OLA1: variants seen among roughly 807,000 people sequenced by gnomAD.
OLA1 encodes the protein Obg like ATPase 1.
Under a neutral mutation model 48.4 loss-of-function variants are expected in OLA1, and 14 were observed. That is an observed-to-expected ratio of 0.29 (90% confidence interval 0.19 to 0.45). The LOEUF (loss-of-function observed/expected upper bound fraction) is 0.45, where lower values mean the gene tolerates loss of function less well. OLA1 is among the 20% of genes least tolerant of loss of function. The probability of loss-of-function intolerance (pLI) is 1.00; values close to 1 mark genes in which losing one functional copy is unlikely to be tolerated. For synonymous variants in OLA1, 127 were observed against 150.4 expected, an observed-to-expected ratio of 0.84 and a Z score of 1.14; for missense variants, 325 against 467.1, an observed-to-expected ratio of 0.70 and a Z score of 2.80.
chr2:174,217,175 C>T (rs998543000), intron 4 of OLA1, among the ~76,000 whole-genome samples: 3 of 152,098 alleles, frequency 2.0e-5, no homozygotes, highest in African/African-American at 7.2e-5. Context: ...TGCACCAAAA[C>T]CCAAAGTTCT....
intron 2 of OLA1, among the ~76,000 whole-genome samples, chr2:174,234,043 TG>T (rs913085058): frequency 4.6e-5 from 7 of 152,196 alleles, no homozygotes; most frequent in Non-Finnish European, 7.3e-5. Context: ...TGAATGTGCC[TG>T]CCCCTCCTTC....
chr2:174,239,600 T>C (rs781647365), intron 2 of OLA1, among the ~76,000 whole-genome samples: 5 of 149,466 alleles, frequency 3.3e-5, no homozygotes, highest in Admixed American at 6.8e-5. Flanking sequence ...TAAATGCAGC[T>C]GGGCACAGTG....
At chr2:174,173,664 C>G (rs1418124922) in intron 4 of OLA1, among the ~76,000 whole-genome samples, 1 of 147,354 alleles carries the variant, frequency 6.8e-6, no homozygotes, top group Non-Finnish European at 1.5e-5. Flanking sequence ...GATATGAGAA[C>G]AAACTGGTGA....
At chr2:174,181,501 G>C (rs1009811361) in intron 4 of OLA1, among the ~76,000 whole-genome samples, 4 of 152,176 alleles carry the variant, frequency 2.6e-5, no homozygotes, top group African/African-American at 9.7e-5. Flanking sequence ...GTAAGAGAGG[G>C]CATGACAGCA....
intron 4 of OLA1, among the ~76,000 whole-genome samples, chr2:174,200,656 G>C (rs1451427252): frequency 6.6e-6 from 1 of 152,020 alleles, no homozygotes; most frequent in African/African-American, 2.4e-5. Flanking sequence ...AAACCCAGGA[G>C]GTTTAAAGAA....
At chr2:174,209,288 T>G (rs6433467) in intron 4 of OLA1, among the ~76,000 whole-genome samples, 80,580 of 152,004 alleles carry the variant, frequency 0.53, 21,931 homozygotes, top group East Asian at 0.94. Context: ...TTCTGTATTT[T>G]CATCCTGATA....
chr2:174,186,745 C>T lies in OLA1; in HGVS notation c.373+36288G>A, dbSNP rs931134248. On this transcript the variant is annotated intron_variant, in intron 4 of 10. Coordinates refer to ENST00000284719, the MANE Select transcript of OLA1 (RefSeq NM_013341.5). ...TTGGAAAAAAGGCCTGCAGATGCCCCTATAGGTAACAGTGATAAGAAAAAA... is the reference window on the plus strand; with the variant it reads ...TTGGAAAAAAGGCCTGCAGATGCCCTTATAGGTAACAGTGATAAGAAAAAA... Among the ~76,000 whole-genome samples the T allele has an allele frequency of 3.9e-5, 6 of 152,180 alleles. No individual in the cohort carries two copies. The South Asian group carries it at 6.2e-4, about 16-fold the overall frequency.
intron 4 of OLA1, among the ~76,000 whole-genome samples, chr2:174,144,277 C>T (rs936367187): frequency 6.6e-6 from 1 of 152,072 alleles, no homozygotes; most frequent in African/African-American, 2.4e-5. Context: ...CTTACATATG[C>T]TGGTGGCACT....
At chr2:174,092,084 G>A (rs996890449) in intron 7 of OLA1, among the ~76,000 whole-genome samples, 7 of 141,950 alleles carry the variant, frequency 4.9e-5, no homozygotes, top group Admixed American at 1.5e-4. Context: ...CCAAGATCAT[G>A]CCTCTGCACT....
At chr2:174,107,888 A>G (rs950048936) in intron 7 of OLA1, among the ~76,000 whole-genome samples, 7 of 152,112 alleles carry the variant, frequency 4.6e-5, no homozygotes, top group Admixed American at 2.0e-4. Flanking sequence ...ATTATACACC[A>G]TATAGATAGG....
At chr2:174,237,205 T>TA (rs1559020176) in intron 2 of OLA1, among the ~76,000 whole-genome samples, 1 of 152,040 alleles carries the variant, frequency 6.6e-6, no homozygotes, top group African/African-American at 2.4e-5. Context: ...ACTTTTTTGT[T>TA]AAACACCGAG....
chr2:174,087,721 C>T (rs945529850), intron 7 of OLA1, among the ~76,000 whole-genome samples: 4 of 152,134 alleles, frequency 2.6e-5, no homozygotes, highest in African/African-American at 7.2e-5. Context: ...CTCCAGCATA[C>T]GTTAATAAGA....
intron 4 of OLA1, among the ~76,000 whole-genome samples, chr2:174,163,740 AT>A (rs1687079622): frequency 6.2e-5 from 2 of 32,068 alleles, no homozygotes; most frequent in African/African-American, 1.1e-4. Context: ...ATATATATAT[AT>A]ATATATATAT....
intron 4 of OLA1, among the ~76,000 whole-genome samples, chr2:174,160,415 T>C (rs2105395764): frequency 6.6e-6 from 1 of 152,320 alleles, no homozygotes; most frequent in East Asian, 1.9e-4. Flanking sequence ...CAAATTATTC[T>C]CAATTTTTTA....
chr2:174,133,260 T>C (rs770186229), intron 5 of OLA1, among the ~76,000 whole-genome samples: 7 of 152,356 alleles, frequency 4.6e-5, no homozygotes, highest in Non-Finnish European at 1.0e-4. Flanking sequence ...ATAACCGCAT[T>C]GTACGTCAAG....
intron 4 of OLA1, among the ~76,000 whole-genome samples, chr2:174,201,045 A>C (rs1375208916): frequency 1.3e-5 from 2 of 152,222 alleles, no homozygotes; most frequent in Non-Finnish European, 2.9e-5. Flanking sequence ...GTCTGACTAA[A>C]GATGATCTCT....
At chr2:174,088,074 G>A (rs978196339) in intron 7 of OLA1, among the ~76,000 whole-genome samples, 4 of 152,048 alleles carry the variant, frequency 2.6e-5, no homozygotes, top group Non-Finnish European at 5.9e-5. Context: ...GTATATAACT[G>A]GTGTCAAGAA....
At chr2:174,215,021 G>C (rs1688331802) in intron 4 of OLA1, among the ~76,000 whole-genome samples, 1 of 151,210 alleles carries the variant, frequency 6.6e-6, no homozygotes, top group Non-Finnish European at 1.5e-5. Context: ...TTACACTCCA[G>C]CCTGGGCGAC....
chr2:174,103,130 G>GGA (rs886757706), intron 7 of OLA1, among the ~76,000 whole-genome samples: 3 of 152,110 alleles, frequency 2.0e-5, no homozygotes, highest in Non-Finnish European at 4.4e-5. Flanking sequence ...TGATGATGCA[G>GGA]GAGAGAGAGA....
Sources: gnomAD v4.1 joint callset for allele counts (sites outside exome capture counted in the v4.1 genomes callset) on GRCh38, gnomAD v4.1.1 for gene constraint, MANE v1.5 for transcripts, NCBI Gene and HGNC (gene_info 2026-07-23, HGNC 2026-07-21) for gene names.